The following LRBA variants were observed in gnomAD, a reference collection of about 807,000 sequenced individuals.
LRBA encodes the protein LPS responsive beige-like anchor protein.
In LRBA, 176 loss-of-function variants were observed where a neutral mutation model predicts 330.0. The observed-to-expected ratio is 0.53, with a 90% confidence interval of 0.47 to 0.60. The LOEUF (loss-of-function observed/expected upper bound fraction) is 0.60, where lower values mean the gene tolerates loss of function less well. Ranked by LOEUF, LRBA falls within the 20% of genes least tolerant of loss-of-function variation. LRBA has a pLI of 0.00. For missense variants in LRBA, 3,259 were observed against 3,444.8 expected (o/e 0.95, Z 1.35); for synonymous variants, 1,230 against 1,193.0 (o/e 1.03, Z -0.64).
chr4:150,716,973 T>C (rs906989726), intron 36 of LRBA, among the ~76,000 whole-genome samples: 3 of 152,166 alleles, frequency 2.0e-5, no homozygotes, highest in Admixed American at 6.6e-5. Flanking sequence ...CATACATACA[T>C]CAAAGATGTG....
intron 40 of LRBA, among the ~76,000 whole-genome samples, chr4:150,510,606 T>C (rs1439579397): frequency 1.3e-5 from 2 of 152,162 alleles, no homozygotes; most frequent in East Asian, 3.9e-4. Context: ...GCAGTTTCCT[T>C]TTGTAGTACA....
chr4:150,853,133 A>G (rs1750810032), intron 22 of LRBA, among the ~76,000 whole-genome samples, 190 bp from the exon 23 acceptor site: 1 of 152,218 alleles, frequency 6.6e-6, no homozygotes, highest in Admixed American at 6.5e-5. Flanking sequence ...TAAAAACTAC[A>G]GCCAATTTTA....
chr4:150,529,871 C>A (rs1438960886), intron 40 of LRBA, among the ~76,000 whole-genome samples: 1 of 152,088 alleles, frequency 6.6e-6, no homozygotes, highest in Non-Finnish European at 1.5e-5. Context: ...GTAGCCATCA[C>A]CTAGACTCAA....
intron 42 of LRBA, among the ~76,000 whole-genome samples, chr4:150,481,424 C>T (rs934925843): frequency 2.6e-5 from 4 of 152,138 alleles, no homozygotes; most frequent in African/African-American, 7.2e-5. Context: ...TAATTTAATA[C>T]ATTATATTAA....
At chr4:150,557,427 T>C (rs1767469018) in intron 40 of LRBA, among the ~76,000 whole-genome samples, 1 of 151,862 alleles carries the variant, frequency 6.6e-6, no homozygotes, top group Non-Finnish European at 1.5e-5. Flanking sequence ...TAGAGATTAA[T>C]ACAGGGAAGA....
intron 37 of LRBA, among the ~76,000 whole-genome samples, chr4:150,663,852 AAAG>A (rs1781342015): frequency 6.6e-6 from 1 of 152,234 alleles, no homozygotes; most frequent in Non-Finnish European, 1.5e-5. Context: ...CTTCTGAGAG[AAAG>A]AAGAGGCAAT....
At chr4:150,646,238 G>A (rs1270717395) in intron 37 of LRBA, among the ~76,000 whole-genome samples, 2 of 152,022 alleles carry the variant, frequency 1.3e-5, no homozygotes, top group Non-Finnish European at 2.9e-5. Flanking sequence ...ATAAGAAAGA[G>A]TGAAGACAAA....
At chr4:150,784,547 C>G (rs897138473) in intron 34 of LRBA, among the ~76,000 whole-genome samples, 1 of 152,136 alleles carries the variant, frequency 6.6e-6, no homozygotes, top group Non-Finnish European at 1.5e-5. Flanking sequence ...TTTTGCCCTA[C>G]GTGAATGACA....
intron 16 of LRBA, among the ~76,000 whole-genome samples, chr4:150,894,444 G>A (rs910258550): frequency 6.6e-6 from 1 of 152,146 alleles, no homozygotes; most frequent in African/African-American, 2.4e-5. Context: ...CACAAGAAAC[G>A]AGTTCTAGAC....
intron 46 of LRBA, among the ~76,000 whole-genome samples, chr4:150,433,449 T>TA (rs1750695471): frequency 6.6e-6 from 1 of 152,124 alleles, no homozygotes; most frequent in Admixed American, 6.5e-5. Flanking sequence ...CTAGTACAGA[T>TA]AGAGGCAGAA....
At position 150,478,649 on chromosome 4, in the gene LRBA, G is replaced by C. The variant is rs545347549; in HGVS notation, c.6552-6910C>G. Among the ~76,000 whole-genome samples the C allele has an allele frequency of 1.4e-3, 208 of 152,264 alleles. 1 individual carries two copies. Among genetic ancestry groups the C allele is most frequent in the African/African-American group, 4.9e-3 (204 of 41,566 alleles). ...ATATCACTAAGTTCCAGTGATACTT[G>C]CTTTCCAACATTTCTTAGAACACTA... is the stretch of plus-strand genomic sequence containing the variant. On this transcript the variant is annotated intron_variant, in intron 42 of 56. Transcript: ENST00000651943.
intron 2 of LRBA, among the ~76,000 whole-genome samples, chr4:150,949,434 G>T (rs867262748): frequency 6.6e-6 from 1 of 151,902 alleles, no homozygotes; most frequent in Non-Finnish European, 1.5e-5. Context: ...GAGGAAAGTG[G>T]GTATAGCTGT....
intron 37 of LRBA, among the ~76,000 whole-genome samples, chr4:150,669,735 G>T (rs6535743): frequency 0.18 from 26,642 of 151,696 alleles, 5,902 homozygotes; most frequent in African/African-American, 0.53. Context: ...CCAGATAATT[G>T]TTGTATTTTT....
At chr4:150,447,439 G>A (rs867146843) in intron 44 of LRBA, among the ~76,000 whole-genome samples, 54 of 152,142 alleles carry the variant, frequency 3.5e-4, no homozygotes, top group African/African-American at 1.2e-3. Context: ...TCTCACTGCT[G>A]AAGCTGAGAC....
intron 46 of LRBA, among the ~76,000 whole-genome samples, chr4:150,430,861 A>G (rs10009749): frequency 0.76 from 115,982 of 151,976 alleles, 47,764 homozygotes; most frequent in Non-Finnish European, 0.92. Flanking sequence ...TTCTAGTACC[A>G]AGTAGTAATC....
At chr4:150,482,857 T>C (rs1263501381) in intron 42 of LRBA, among the ~76,000 whole-genome samples, 2 of 150,972 alleles carry the variant, frequency 1.3e-5, no homozygotes, top group Non-Finnish European at 3.0e-5. Flanking sequence ...AAACTTACAT[T>C]TTTTTTTTGT....
At chr4:150,411,612 C>T (rs1747014218) in intron 47 of LRBA, among the ~76,000 whole-genome samples, 1 of 152,138 alleles carries the variant, frequency 6.6e-6, no homozygotes, top group African/African-American at 2.4e-5. Context: ...GACCATCTGA[C>T]TTTAATTGTA....
At chr4:150,501,966 G>C (rs377721200) in intron 40 of LRBA, among the ~76,000 whole-genome samples, 1 of 152,164 alleles carries the variant, frequency 6.6e-6, no homozygotes, top group East Asian at 1.9e-4. Context: ...ATAGAGAAAC[G>C]TAGTTAGAAC....
intron 37 of LRBA, among the ~76,000 whole-genome samples, chr4:150,622,686 A>ATCTTTTTTTTTTT (rs1776416975): frequency 1.8e-5 from 2 of 109,212 alleles, no homozygotes; most frequent in African/African-American, 7.1e-5. Flanking sequence ...ACCTAAATCA[A>ATCTTTTTTTTTTT]TCTTTTTTTT....
Sources: gnomAD v4.1 joint callset for allele counts (sites outside exome capture counted in the v4.1 genomes callset) on GRCh38, gnomAD v4.1.1 for gene constraint, MANE v1.5 for transcripts, NCBI Gene and HGNC (gene_info 2026-07-23, HGNC 2026-07-21) for gene names.